Variants in LRBA observed in about 807,000 individuals in gnomAD.
LRBA encodes the protein lipopolysaccharide-responsive and beige-like anchor protein.
A neutral mutation model predicts 330.0 loss-of-function variants in LRBA; 176 were observed. The observed-to-expected ratio is 0.53, with a 90% confidence interval of 0.47 to 0.60. LRBA has a LOEUF of 0.60. Ranked by LOEUF, LRBA falls within the 20% of genes least tolerant of loss-of-function variation. The probability of loss-of-function intolerance (pLI) is 0.00; values close to 1 mark genes in which losing one functional copy is unlikely to be tolerated. For synonymous variants in LRBA, 1,230 were observed against 1,193.0 expected (o/e 1.03, Z -0.64); for missense variants, 3,259 against 3,444.8 (o/e 0.95, Z 1.35).
intron 47 of LRBA, among the ~76,000 whole-genome samples, chr4:150,379,805 G>A (rs1042274384): frequency 3.9e-5 from 6 of 151,916 alleles, no homozygotes; most frequent in South Asian, 2.1e-4. Context: ...TTATATTGCC[G>A]AGGCAGTATT....
chr4:150,639,833 A>T (rs376661486), intron 37 of LRBA, among the ~76,000 whole-genome samples: 1 of 20,422 alleles, frequency 4.9e-5, no homozygotes, highest in African/African-American at 1.1e-4. Context: ...ATATATATAT[A>T]TATATATATA....
At position 151,015,230 on chromosome 4, in the gene LRBA, C is replaced by G. The variant is rs974902538; in HGVS notation, c.-248G>C. 6.5e-6 allele frequency: 1 copy of G among 152,886 alleles called. No homozygotes were observed. The highest frequency in any genetic ancestry group is 1.5e-5 in the Non-Finnish European group (1 of 68,610). The allele number at this position is 152,886 out of a possible 1,614,324, so 9.5% of individuals were successfully genotyped here. ...GATACTCCGGACTCGTCCTCACCCC[C>G]CGCCCAGGAGCAGCGAGACCGAGGT... On this transcript the variant is annotated 5_prime_UTR_variant, in exon 1 of 57. Transcript: ENST00000651943.
intron 19 of LRBA, among the ~76,000 whole-genome samples, chr4:150,870,952 T>C (rs941056073): frequency 1.3e-5 from 2 of 152,190 alleles, no homozygotes; most frequent in African/African-American, 2.4e-5. Flanking sequence ...CATTACAAAC[T>C]TAAATGGTCT....
chr4:150,949,472 C>A (rs958593265), intron 2 of LRBA, among the ~76,000 whole-genome samples: 1 of 152,002 alleles, frequency 6.6e-6, no homozygotes, highest in South Asian at 2.1e-4. Flanking sequence ...AAACTTTCTG[C>A]ACCTCGATTA....
At chr4:150,785,216 CG>C (rs1179519650) in intron 34 of LRBA, among the ~76,000 whole-genome samples, 2 of 151,794 alleles carry the variant, frequency 1.3e-5, no homozygotes, top group African/African-American at 2.4e-5. Flanking sequence ...TGAGTTAGTT[CG>C]GGGCGGGGGC....
chr4:150,688,117 T>C (rs1263544835), intron 36 of LRBA, among the ~76,000 whole-genome samples: 1 of 151,866 alleles, frequency 6.6e-6, no homozygotes, highest in East Asian at 1.9e-4. Flanking sequence ...ATAAAACAAA[T>C]GGAACAGAAC....
chr4:150,427,373 A>G (rs1346119632), intron 46 of LRBA, among the ~76,000 whole-genome samples: 1 of 152,056 alleles, frequency 6.6e-6, no homozygotes, highest in Non-Finnish European at 1.5e-5. Flanking sequence ...AGTTCATTGT[A>G]GACACGAGTA....
At chr4:150,748,070 G>A (rs1191096614) in intron 35 of LRBA, among the ~76,000 whole-genome samples, 6 of 151,968 alleles carry the variant, frequency 3.9e-5, no homozygotes, top group Non-Finnish European at 7.4e-5. Context: ...AATAAATAGC[G>A]CCAAAGTCCA....
chr4:150,804,057 C>G (rs1742179447), intron 33 of LRBA, among the ~76,000 whole-genome samples: 1 of 151,776 alleles, frequency 6.6e-6, no homozygotes, highest in East Asian at 1.9e-4. Context: ...GTTGTTACAC[C>G]ATTTAAAAAA....
chr4:150,661,812 A>C (rs575246245), intron 37 of LRBA, among the ~76,000 whole-genome samples: 2 of 151,856 alleles, frequency 1.3e-5, no homozygotes, highest in Non-Finnish European at 2.9e-5. Context: ...TAGTAGAGAT[A>C]GGGTTTCACC....
intron 17 of LRBA, among the ~76,000 whole-genome samples, chr4:150,873,918 C>T (rs1753723095): frequency 6.6e-6 from 1 of 152,090 alleles, no homozygotes; most frequent in Non-Finnish European, 1.5e-5. Flanking sequence ...GCATCCAGGT[C>T]CATATCACAT....
intron 34 of LRBA, among the ~76,000 whole-genome samples, chr4:150,770,807 G>A (rs945047569): frequency 2.6e-5 from 4 of 152,076 alleles, no homozygotes; most frequent in Non-Finnish European, 5.9e-5. Flanking sequence ...ATTCCTGAAG[G>A]GTCTGGGCTG....
intron 53 of LRBA, among the ~76,000 whole-genome samples, chr4:150,293,178 A>T (rs1161567555): frequency 6.6e-6 from 1 of 152,144 alleles, no homozygotes; most frequent in Non-Finnish European, 1.5e-5. Context: ...TGCCTTTTGT[A>T]CCATTTAGTT....
chr4:150,501,256 G>T (rs1172139911), intron 40 of LRBA, among the ~76,000 whole-genome samples: 1 of 152,114 alleles, frequency 6.6e-6, no homozygotes, highest in East Asian at 1.9e-4. Context: ...TCTATTCACA[G>T]TATCTAGCAC....
At chr4:150,514,413 G>A (rs1010069499) in intron 40 of LRBA, among the ~76,000 whole-genome samples, 5 of 151,950 alleles carry the variant, frequency 3.3e-5, no homozygotes, top group Non-Finnish European at 5.9e-5. Context: ...TATCTATGCC[G>A]GCTTTAAATT....
chr4:150,908,217 G>A (rs955233674), intron 11 of LRBA, 117 bp downstream of exon 11: 8 of 982,972 alleles, frequency 8.1e-6, no homozygotes, highest in Non-Finnish European at 7.6e-6. Flanking sequence ...ACAGTTTATA[G>A]TTCACAAGTT....
intron 13 of LRBA, among the ~76,000 whole-genome samples, chr4:150,903,426 T>C (rs1216770896): frequency 6.6e-6 from 1 of 152,034 alleles, no homozygotes; most frequent in East Asian, 1.9e-4. Context: ...CTATTGAGAA[T>C]GATACTGTGG....
chr4:150,567,220 C>A (rs1382108713), intron 40 of LRBA, among the ~76,000 whole-genome samples: 6 of 151,900 alleles, frequency 3.9e-5, no homozygotes, highest in Admixed American at 1.3e-4. Flanking sequence ...AAATAAAAAA[C>A]GTGAGCCAGA....
intron 44 of LRBA, among the ~76,000 whole-genome samples, chr4:150,450,893 G>C (rs1454157271): frequency 6.6e-6 from 1 of 151,988 alleles, no homozygotes; most frequent in African/African-American, 2.4e-5. Context: ...TAGCTGGGCA[G>C]GGTGGCACAT....
Sources: gnomAD v4.1 joint callset for allele counts (sites outside exome capture counted in the v4.1 genomes callset) on GRCh38, gnomAD v4.1.1 for gene constraint, MANE v1.5 for transcripts, NCBI Gene and HGNC (gene_info 2026-07-23, HGNC 2026-07-21) for gene names.